Variants in TPH1 observed in about 807,000 individuals in gnomAD.
The protein encoded by TPH1 is tryptophan 5-hydroxylase 1.
A neutral mutation model predicts 49.5 loss-of-function variants in TPH1; 37 were observed. The ratio of observed to expected loss-of-function variants is 0.75; its 90% CI spans 0.58 to 0.98. The LOEUF (loss-of-function observed/expected upper bound fraction) is 0.98. Ranked by LOEUF, TPH1 falls within the 50% of genes least tolerant of loss-of-function variation. TPH1 has a pLI of 0.00. For missense variants in TPH1, 487 were observed against 523.6 expected (o/e 0.93, Z 0.68); for synonymous variants, 160 against 182.1 (o/e 0.88, Z 0.98).
At chr11:18,046,210 C>T (rs1289844106) in intron 1 of TPH1, among the ~76,000 whole-genome samples, 31 bp downstream of exon 1, 1 of 152,138 alleles carries the variant, frequency 6.6e-6, no homozygotes, top group Non-Finnish European at 1.5e-5. Context: ...CGGCGGTCCC[C>T]GGTGCCCGCG....
intron 4 of TPH1, among the ~76,000 whole-genome samples, chr11:18,031,620 A>G (rs1590263932): frequency 6.6e-6 from 1 of 152,182 alleles, no homozygotes; most frequent in East Asian, 1.9e-4. Context: ...ATGTGGTAGT[A>G]GGGATGAATA....
chr11:18,041,130 C>T (rs1049719242), intron 1 of TPH1: 2 of 205,468 alleles, frequency 9.7e-6, no homozygotes, highest in African/African-American at 4.8e-5. Context: ...CCCACCTTGC[C>T]CACAATCTTA....
At chr11:18,042,300 G>T in intron 1 of TPH1, 2 of 441,602 alleles carry the variant, frequency 4.5e-6, no homozygotes, top group Admixed American at 2.5e-5. Flanking sequence ...ATTCAGGGAT[G>T]GCCTCAGATA....
At position 18,040,723 on chromosome 11, in the gene TPH1, C is replaced by T; in HGVS notation, c.40G>A (p.Glu14Lys). The change falls in exon 2 of 11, where the codon GAA (glutamate) becomes AAA (lysine). Residue 14 changes from glutamate to lysine, a missense_variant. Transcript: ENST00000682019. ...AAAATGAGACTTGCTCTTCCCCTTT[C>T]TAAGGAATGGTCTTTGTTCTCCTTA... is the stretch of plus-strand genomic sequence containing the variant. Reference protein sequence around the residue: ...DNKENKDHSLERGRASLIFSL... With the variant: ...DNKENKDHSLKRGRASLIFSL... The T allele has an allele frequency of 6.2e-7, 1 of 1,612,472 alleles. No homozygotes were observed. The highest frequency in any genetic ancestry group is 8.5e-7 in the Non-Finnish European group (1 of 1,179,048).
intron 1 of TPH1, among the ~76,000 whole-genome samples, chr11:18,042,950 A>G (rs374427709): frequency 2.6e-5 from 4 of 152,340 alleles, no homozygotes; most frequent in African/African-American, 4.8e-5. Flanking sequence ...TAAAACCCCT[A>G]AAGTGTATTA....
At chr11:18,041,626 G>T (rs1848099339) in intron 1 of TPH1, among the ~76,000 whole-genome samples, 1 of 152,142 alleles carries the variant, frequency 6.6e-6, no homozygotes, top group African/African-American at 2.4e-5. Flanking sequence ...GATATTTCAG[G>T]TACCAAGAAG....
chr11:18,032,550 T>TC (rs1219314757), intron 4 of TPH1, among the ~76,000 whole-genome samples: 4 of 138,612 alleles, frequency 2.9e-5, no homozygotes, highest in Non-Finnish European at 6.2e-5. Context: ...TTTTTTTTTT[T>TC]TTTTTTTTTT....
At chr11:18,034,534 C>T (rs1301691788) in intron 3 of TPH1, among the ~76,000 whole-genome samples, 3 of 152,132 alleles carry the variant, frequency 2.0e-5, no homozygotes, top group Non-Finnish European at 4.4e-5. Flanking sequence ...GCAACAGAGG[C>T]TTCAGGCATG....
In TPH1 at chr11:18,028,566, C is replaced by T. The variant is rs889132641; in HGVS notation, c.667+599G>A. On this transcript the variant is annotated intron_variant, in intron 6 of 10. Coordinates refer to ENST00000682019, the MANE Select transcript of TPH1 (RefSeq NM_004179.3). ...AATAAAGCTATAACAGCCCCTAAAT[C>T]TCTAGGTTAAACACCCTAAGAGTTC... Among the ~76,000 whole-genome samples, 8 of 152,264 alleles carry T rather than the reference C, an allele frequency of 5.3e-5. No homozygotes were observed. The South Asian group carries it at 1.7e-3, about 32-fold the overall frequency.
At chr11:18,029,988 C>T (rs1847971427) in intron 4 of TPH1, among the ~76,000 whole-genome samples, 1 of 152,050 alleles carries the variant, frequency 6.6e-6, no homozygotes. Context: ...GAAATAGTGA[C>T]TTAACTGAAT....
rs370159112 is a variant in TPH1 at position 18,025,710 on chromosome 11, G to C, written c.804-9C>G. On this transcript the variant is annotated splice_polypyrimidine_tract_variant and intron_variant, in intron 7 of 10. Transcript: ENST00000682019. ...GTTCATGGCAGGTATCTCTGAAAGA[G>C]AGGTACAAGTTTGTCACGCTGCAGT... The C allele has an allele frequency of 1.9e-6, 3 of 1,613,714 alleles. No homozygotes were observed. The African/African-American group carries it at 4.0e-5, about 22-fold the overall frequency.
chr11:18,023,968 C>G lies in TPH1; in HGVS notation c.946G>C (p.Val316Leu), dbSNP rs1477884829. 6.2e-7 allele frequency: 1 copy of G among 1,612,704 alleles called. No individual in the cohort carries two copies. The highest frequency in any genetic ancestry group is 1.3e-5 in the African/African-American group (1 of 74,900). Residue 316 changes from valine (V) to leucine (L), a missense_variant, in exon 9 of 11, where the codon GTG becomes CTG. Transcript: ENST00000682019. ...QKLATCYFFT[V>L]EFGLCKQDGQ... ...TCTTGTTTACATAGACCAAACTCCA[C>G]AGTGAAAAAGTAGCACTGCAAAAGA...
intron 1 of TPH1, among the ~76,000 whole-genome samples, chr11:18,045,211 G>A (rs920485175): frequency 6.6e-6 from 1 of 152,204 alleles, no homozygotes; most frequent in Non-Finnish European, 1.5e-5. Flanking sequence ...TTCTTTCAGA[G>A]GGAGGGAATC....
At chr11:18,037,707 T>C (rs1848059802) in intron 2 of TPH1, among the ~76,000 whole-genome samples, 1 of 152,236 alleles carries the variant, frequency 6.6e-6, no homozygotes, top group Non-Finnish European at 1.5e-5. Flanking sequence ...TGAGGAAATG[T>C]AATTAAATAA....
At chr11:18,033,898 C>A (rs961410624) in intron 3 of TPH1, among the ~76,000 whole-genome samples, 1 of 152,142 alleles carries the variant, frequency 6.6e-6, no homozygotes, top group African/African-American at 2.4e-5. Flanking sequence ...CACTCCCATT[C>A]CCTGCCCCAC....
At chr11:18,029,614 C>T (rs1213994984) in intron 4 of TPH1, 35 bp from the exon 5 acceptor site, 8 of 1,507,788 alleles carry the variant, frequency 5.3e-6, no homozygotes, top group Non-Finnish European at 7.4e-6. Context: ...AATATCCATA[C>T]TAAAAAATAC....
chr11:18,041,516 C>G (rs1848098310), intron 1 of TPH1, among the ~76,000 whole-genome samples: 1 of 152,178 alleles, frequency 6.6e-6, no homozygotes, highest in Non-Finnish European at 1.5e-5. Context: ...ACTAAGTTAC[C>G]AAACAGCTAC....
At chr11:18,036,329 T>G (rs1459895030) in intron 2 of TPH1, among the ~76,000 whole-genome samples, 187 bp from the exon 3 acceptor site, 2 of 152,156 alleles carry the variant, frequency 1.3e-5, no homozygotes, top group African/African-American at 4.8e-5. Flanking sequence ...TAGAAAACTT[T>G]TCAAAATTCA....
rs1396736983 is a variant in TPH1, at chr11:18,025,682, A to G, written c.823T>C (p.Leu275=). ...TCAGCCAAAAGCGGGACATGACCTAAGAGTTCATGGCAGGTATCTCTGAAA... is the reference window on the plus strand; with the variant it reads ...TCAGCCAAAAGCGGGACATGACCTAGGAGTTCATGGCAGGTATCTCTGAAA... ...TPEPDTCHEL[L]GHVPLLAEPS... The change falls in exon 8 of 11, where the codon TTA becomes CTA. Residue 275 remains leucine (L), a synonymous_variant. Coordinates refer to ENST00000682019, the MANE Select transcript of TPH1 (RefSeq NM_004179.3). 6.2e-7 allele frequency: 1 copy of G among 1,613,998 alleles called. No homozygotes were observed. The highest frequency in any genetic ancestry group is 8.5e-7 in the Non-Finnish European group (1 of 1,179,882).
Sources: allele counts gnomAD v4.1 joint callset (sites outside exome capture counted in the v4.1 genomes callset), GRCh38; gene constraint gnomAD v4.1.1; transcripts MANE v1.5; gene names NCBI Gene and HGNC (gene_info 2026-07-23, HGNC 2026-07-21).